Variants in NAV3 observed in about 807,000 individuals in gnomAD.
NAV3 encodes neuron navigator 3.
NAV3 carries 87 observed loss-of-function variants against 244.7 expected under a neutral mutation model. That is an observed-to-expected ratio of 0.36 (90% CI 0.30 to 0.42). NAV3 has a LOEUF of 0.42. NAV3 is among the 20% of genes least tolerant of loss of function. The pLI, the probability that NAV3 is intolerant of heterozygous loss-of-function variation, is 1.00. For synonymous variants in NAV3, 1,126 were observed against 1,042.2 expected (o/e 1.08, Z -1.55); for missense variants, 2,663 against 2,893.3 (o/e 0.92, Z 1.83).
intron 2 of NAV3, among the ~76,000 whole-genome samples, chr12:77,726,307 A>G (rs1876875836): frequency 1.3e-5 from 2 of 151,970 alleles, no homozygotes; most frequent in Non-Finnish European, 2.9e-5. Context: ...CACTACAAGG[A>G]AAGAATTTAC....
intron 2 of NAV3, among the ~76,000 whole-genome samples, chr12:77,702,324 T>C (rs749581191): frequency 9.2e-5 from 14 of 151,996 alleles, no homozygotes; most frequent in Non-Finnish European, 2.1e-4. Context: ...ATCTTTTTAT[T>C]CTCTACCTTT....
intron 18 of NAV3, among the ~76,000 whole-genome samples, chr12:78,135,596 A>T (rs546782131): frequency 6.6e-6 from 1 of 152,162 alleles, no homozygotes; most frequent in East Asian, 2.0e-4. Flanking sequence ...AAATTTGTTT[A>T]ATACTTCATT....
At chr12:77,681,991 A>G (rs1250622548) in intron 2 of NAV3, among the ~76,000 whole-genome samples, 1 of 152,144 alleles carries the variant, frequency 6.6e-6, no homozygotes, top group African/African-American at 2.4e-5. Context: ...TGTGGTGAGG[A>G]CACTTAAAAT....
chr12:77,700,422 G>A (rs1453403765), intron 2 of NAV3, among the ~76,000 whole-genome samples: 1 of 152,098 alleles, frequency 6.6e-6, no homozygotes, highest in Admixed American at 6.6e-5. Flanking sequence ...TTGTGTATGT[G>A]TTTCACCCTA....
chr12:78,201,955 T>C (rs574279373), intron 38 of NAV3, among the ~76,000 whole-genome samples: 19 of 152,122 alleles, frequency 1.2e-4, no homozygotes, highest in African/African-American at 4.6e-4. Context: ...ATGATAGTTC[T>C]GGTGAACATG....
intron 1 of NAV3, among the ~76,000 whole-genome samples, chr12:77,873,731 CAT>C (rs1174516221): frequency 5.5e-5 from 3 of 54,338 alleles, no homozygotes; most frequent in African/African-American, 1.1e-4. Context: ...TATCTAAATA[CAT>C]ATGTGTGTGT....
chr12:78,153,701 A>G (rs1957164198), intron 22 of NAV3, among the ~76,000 whole-genome samples: 1 of 152,110 alleles, frequency 6.6e-6, no homozygotes, highest in South Asian at 2.1e-4. Flanking sequence ...TGAATGTGTA[A>G]GAAAACAAAA....
chr12:77,588,272 T>A (rs1374568166), intron 2 of NAV3, among the ~76,000 whole-genome samples: 1 of 150,002 alleles, frequency 6.7e-6, no homozygotes, highest in East Asian at 1.9e-4. Context: ...CACCACCATA[T>A]CCAGCTGATT....
At position 78,007,345 on chromosome 12, in the gene NAV3, C is replaced by G. The variant is rs1852874066; in HGVS notation, c.1807C>G (p.Gln603Glu). Reference sequence around the variant, plus strand: ...TGGTTCCTGTACCATGACAGTGGCACAAAGCAGTGGGCAGAGCACAGGAAA... The same window carrying G: ...TGGTTCCTGTACCATGACAGTGGCAGAAAGCAGTGGGCAGAGCACAGGAAA... ...PSGSCTMTVA[Q>E]SSGQSTGNGA... The change falls in exon 8 of 40, where the codon CAA becomes GAA. Residue 603 changes from glutamine (Q) to glutamate (E), a missense_variant. Around this residue, in one of 6 missense-constraint regions of NAV3, gnomAD observed 1,521 missense variants for 1,497.0 expected, o/e 1.02. Transcript: ENST00000397909. 3 of 1,614,186 alleles carry G rather than the reference C, an allele frequency of 1.9e-6. No homozygotes were observed. The highest frequency in any genetic ancestry group is 1.7e-6 in the Non-Finnish European group (2 of 1,180,042).
intron 11 of NAV3, among the ~76,000 whole-genome samples, chr12:78,051,879 T>G (rs1490361626): frequency 6.6e-6 from 1 of 152,234 alleles, no homozygotes; most frequent in Non-Finnish European, 1.5e-5. Context: ...GATATTGTTT[T>G]ACTTTTCCTT....
intron 5 of NAV3, among the ~76,000 whole-genome samples, chr12:77,988,296 T>A (rs1218246078): frequency 2.0e-5 from 3 of 152,148 alleles, no homozygotes; most frequent in Non-Finnish European, 2.9e-5. Context: ...GAGGCTGTAG[T>A]GATTAGTAAA....
At chr12:78,015,124 A>G (rs942236299) in intron 8 of NAV3, among the ~76,000 whole-genome samples, 1 of 152,106 alleles carries the variant, frequency 6.6e-6, no homozygotes, top group Non-Finnish European at 1.5e-5. Context: ...GGTTCATGGC[A>G]AGATTGCCTA....
chr12:78,129,233 C>A (rs574706827), intron 18 of NAV3, among the ~76,000 whole-genome samples: 55 of 152,196 alleles, frequency 3.6e-4, no homozygotes, highest in Middle Eastern at 3.4e-3. Flanking sequence ...ATTTAAGAAT[C>A]CTCTTAAAAA....
Position 77,587,340 on chromosome 12 carries a change from A to G in NAV3, c.72+15074A>G, listed in dbSNP as rs139901646. Among the ~76,000 whole-genome samples the G allele has an allele frequency of 6.8e-4, 103 of 152,326 alleles. 1 individual carries two copies. In the East Asian group the frequency reaches 0.019, roughly 28 times the overall value. On this transcript the variant is annotated intron_variant, in intron 2 of 8. Transcript: ENST00000550042. ...GGTAAAAAGAAACCATAAAATACTT[A>G]CAAAAATACATGCATAATATTTTCC... is the stretch of plus-strand genomic sequence containing the variant.
chr12:77,730,143 C>G (rs1009847399), intron 2 of NAV3, among the ~76,000 whole-genome samples: 1 of 151,878 alleles, frequency 6.6e-6, no homozygotes, highest in Non-Finnish European at 1.5e-5. Flanking sequence ...ATATAGATTG[C>G]TAAGTATCCC....
At chr12:77,649,824 A>G (rs958543603) in intron 2 of NAV3, among the ~76,000 whole-genome samples, 1 of 152,210 alleles carries the variant, frequency 6.6e-6, no homozygotes, top group Middle Eastern at 3.4e-3. Context: ...TTTAAGTGAC[A>G]ATCTCTACTT....
intron 12 of NAV3, among the ~76,000 whole-genome samples, chr12:78,066,868 C>G (rs1885076869): frequency 6.6e-6 from 1 of 152,030 alleles, no homozygotes; most frequent in Admixed American, 6.6e-5. Flanking sequence ...CATTGTAACT[C>G]ATCATATATT....
intron 2 of NAV3, among the ~76,000 whole-genome samples, chr12:77,663,351 A>G (rs1255355350): frequency 6.6e-6 from 1 of 152,314 alleles, no homozygotes; most frequent in Non-Finnish European, 1.5e-5. Flanking sequence ...TGGAGTTTTC[A>G]ATTTGTCAGT....
Position 78,024,995 on chromosome 12 carries a change from A to AG in NAV3, c.2023+3133_2023+3134insG, listed in dbSNP as rs1349763667. On this transcript the variant is annotated intron_variant, in intron 9 of 39. Coordinates refer to ENST00000397909, the MANE Select transcript of NAV3 (RefSeq NM_001024383.2). ...GTCTCAAGAAAAAGGGGGAAAAAAA[A>AG]AGCCACAACTTCCCTTGACCCCAAA... Among the ~76,000 whole-genome samples, 117 of 151,032 alleles carry AG rather than the reference A, an allele frequency of 7.7e-4. No homozygotes were observed. In the East Asian group the frequency reaches 0.022, roughly 28 times the overall value.
Sources: allele counts gnomAD v4.1 joint callset (sites outside exome capture counted in the v4.1 genomes callset), GRCh38; gene constraint gnomAD v4.1.1; regional missense constraint gnomAD v4.1.1; transcripts MANE v1.5; gene names NCBI Gene and HGNC (gene_info 2026-07-23, HGNC 2026-07-21).